The following ZNF175 variants were observed in gnomAD, a reference collection of about 807,000 sequenced individuals.
ZNF175 encodes the protein zinc finger protein OTK18.
Under a neutral mutation model 14.0 loss-of-function variants are expected in ZNF175, and 8 were observed. The observed-to-expected ratio is 0.57, with a 90% CI of 0.34 to 1.03. The LOEUF (loss-of-function observed/expected upper bound fraction) is 1.03, where lower values mean the gene tolerates loss of function less well. Among genes scored for constraint, ZNF175 ranks in the 50% least tolerant of loss-of-function variants. The pLI, the probability that ZNF175 is intolerant of heterozygous loss-of-function variation, is 0.03. For missense variants in ZNF175, 764 were observed against 849.5 expected (o/e 0.90, Z 1.25); for synonymous variants, 255 against 296.8 (o/e 0.86, Z 1.45).
At chr19:51,572,100 G>A (rs1981608772) in intron 1 of ZNF175, among the ~76,000 whole-genome samples, 1 of 152,158 alleles carries the variant, frequency 6.6e-6, no homozygotes, top group African/African-American at 2.4e-5. Context: ...ATCGATGATG[G>A]TTTCCTATTG....
At position 51,589,498 on chromosome 19, in the gene ZNF175, A is replaced by G; in HGVS notation, c.*1031A>G. On this transcript the variant is annotated 3_prime_UTR_variant, in exon 5 of 5. Coordinates refer to ENST00000262259, the MANE Select transcript of ZNF175 (RefSeq NM_007147.4). ...CATTTTTGGTAAATGCATAAATGAG[A>G]TTCTATAATGTTTACTGATCTTTAT... 1.4e-6 allele frequency: 1 copy of G among 696,146 alleles called. No individual in the cohort carries two copies. The highest frequency in any genetic ancestry group is 2.6e-6 in the Non-Finnish European group (1 of 382,918). 43.1% of individuals were successfully genotyped at this position (696,146 alleles called of 1,614,324 possible). A position where few individuals can be genotyped will look rare whatever the true frequency, so the allele number is the denominator to read the frequency against.
chr19:51,588,497 GA>G lies in ZNF175; in HGVS notation c.*33del, dbSNP rs1167747684. The stretch of plus-strand genomic sequence containing the variant: ...CTAGTGCATCAGCATATTCATAAAT[GA>G]AATATACTCCGAGTTTCTTGAAGAA... On this transcript the variant is annotated 3_prime_UTR_variant, in exon 5 of 5. Transcript: ENST00000262259. The G allele has an allele frequency of 6.6e-7, 1 of 1,506,212 alleles. No individual in the cohort carries two copies. The highest frequency in any genetic ancestry group is 8.8e-7 in the Non-Finnish European group (1 of 1,135,988). 93.3% of individuals were successfully genotyped at this position (1,506,212 alleles called of 1,614,324 possible).
In ZNF175 at chr19:51,575,573, G is replaced by A. The variant is rs57275571; in HGVS notation, c.72+2172G>A. On this transcript the variant is annotated intron_variant, in intron 2 of 4. Transcript: ENST00000262259. ...TCCTTTGAAAGTAGGTTTTAGTTTT[G>A]TTTGAACATAGGAAAGAGGATCAGA... Among the ~76,000 whole-genome samples the A allele has an allele frequency of 2.6e-3, 400 of 152,200 alleles. 16 individuals are homozygous for A. In the East Asian group the frequency reaches 0.046, roughly 17 times the overall value.
intron 2 of ZNF175, among the ~76,000 whole-genome samples, chr19:51,574,743 C>T (rs1355179038): frequency 6.6e-6 from 1 of 152,168 alleles, no homozygotes; most frequent in East Asian, 1.9e-4. Flanking sequence ...ACGTTTCTCT[C>T]ATTTGCATTG....
intron 4 of ZNF175, among the ~76,000 whole-genome samples, chr19:51,584,837 T>C (rs913164278): frequency 6.6e-6 from 1 of 151,888 alleles, no homozygotes; most frequent in South Asian, 2.1e-4. Context: ...GAATAACAAG[T>C]GTTGGCAAGG....
intron 3 of ZNF175, 90 bp downstream of exon 3, chr19:51,581,607 A>G: frequency 1.3e-6 from 2 of 1,547,998 alleles, no homozygotes; most frequent in Non-Finnish European, 1.7e-6. Context: ...ATATCAAAGT[A>G]TGTCATGACT....
intron 4 of ZNF175, among the ~76,000 whole-genome samples, chr19:51,583,379 A>G (rs1228992086): frequency 6.6e-6 from 1 of 152,188 alleles, no homozygotes; most frequent in Non-Finnish European, 1.5e-5. Flanking sequence ...CCAAATAAGG[A>G]ATTCTCACCT....
chr19:51,577,974 C>T (rs1981865110), intron 2 of ZNF175, among the ~76,000 whole-genome samples: 1 of 151,822 alleles, frequency 6.6e-6, no homozygotes, highest in African/African-American at 2.4e-5. Context: ...ACCCCTCTCT[C>T]TTTTGTCCCT....
Position 51,587,618 on chromosome 19 carries a change from C to G in ZNF175, c.1287C>G (p.Thr429=). The G allele has an allele frequency of 6.2e-7, 1 of 1,612,602 alleles. No individual in the cohort carries two copies. The highest frequency in any genetic ancestry group is 8.5e-7 in the Non-Finnish European group (1 of 1,179,618). The part of the protein sequence containing the change: ...YACSECGKAF[T]QKSTLSLHQR... ...GCAGTGAATGTGGGAAAGCCTTTACCCAGAAGTCAACACTCAGCTTGCACC... is the reference window on the plus strand; with the variant it reads ...GCAGTGAATGTGGGAAAGCCTTTACGCAGAAGTCAACACTCAGCTTGCACC... The change falls in exon 5 of 5, where the codon ACC becomes ACG. Residue 429 remains threonine (T), a synonymous_variant. Transcript: ENST00000262259.
intron 4 of ZNF175, 94 bp downstream of exon 4, chr19:51,581,976 T>C (rs1463003530): frequency 8.5e-7 from 1 of 1,182,132 alleles, no homozygotes; most frequent in African/African-American, 1.5e-5. Context: ...CCCCCAGTGA[T>C]GGCCCGTAGA....
chr19:51,586,553 T>C (rs10439118), intron 4 of ZNF175, 74 bp from the exon 5 acceptor site: 300,257 of 1,445,014 alleles, frequency 0.21, 32,210 homozygotes, highest in Middle Eastern at 0.24. Context: ...TTGTGTTCTG[T>C]GTCAATCAGC....
Position 51,587,315 on chromosome 19 carries a change from T to G in ZNF175, c.984T>G (p.Asp328Glu), listed in dbSNP as rs2122577805. The G allele has an allele frequency of 6.2e-7, 1 of 1,614,168 alleles. No individual in the cohort carries two copies. Among genetic ancestry groups the G allele is most frequent in the South Asian group, 1.1e-5 (1 of 91,086 alleles). Residue 328 changes from aspartate (D) to glutamate (E), a missense_variant, in exon 5 of 5, where the codon GAT (aspartate) becomes GAG (glutamate). Physicochemically the swap from Asp to Glu is conservative, Grantham distance 45. Transcript: ENST00000262259. Reference protein sequence around the residue: ...PQLKLSVYLTDHTGDIPCICK... With the variant: ...PQLKLSVYLTEHTGDIPCICK... ...TAAAACTCAGTGTATATCTGACAGA[T>G]CATACAGGTGATATACCCTGTATAT...
At chr19:51,573,481 C>T in intron 2 of ZNF175, 80 bp downstream of exon 2, 1 of 1,394,192 alleles carries the variant, frequency 7.2e-7, no homozygotes, top group Non-Finnish European at 1.0e-6. Context: ...GCTCCCTGCT[C>T]CTGAGTCAGT....
chr19:51,580,949 T>C (rs1467322793), intron 2 of ZNF175, among the ~76,000 whole-genome samples: 1 of 152,236 alleles, frequency 6.6e-6, no homozygotes, highest in East Asian at 1.9e-4. Flanking sequence ...CCTCTGCATA[T>C]ATTTCTACCA....
chr19:51,577,906 G>T lies in ZNF175; in HGVS notation c.73-3485G>T, dbSNP rs182979704. ...TCTCAATCTCCTGACCTCGTGATCC[G>T]CCCGCCTTGGCCTCCCAAAGTGCTG... is the stretch of plus-strand genomic sequence containing the variant. On this transcript the variant is annotated intron_variant, in intron 2 of 4. Coordinates refer to ENST00000262259, the MANE Select transcript of ZNF175 (RefSeq NM_007147.4). Among the ~76,000 whole-genome samples, 20 of 150,978 alleles carry T rather than the reference G, an allele frequency of 1.3e-4. 1 individual carries two copies. Among genetic ancestry groups the T allele is most frequent in the Non-Finnish European group, 2.5e-4 (17 of 67,662 alleles).
In ZNF175 at chr19:51,587,991, A is replaced by T. The variant is rs769994268; in HGVS notation, c.1660A>T (p.Thr554Ser). 6.2e-7 allele frequency: 1 copy of T among 1,614,120 alleles called. No individual in the cohort carries two copies. Among genetic ancestry groups the T allele is most frequent in the East Asian group, 2.2e-5 (1 of 44,900 alleles). ...ACTCAGCATGCATCAGAGAATTCAC[A>T]CCGGAGAGAAGCCTTACAAATGCAG... ...SILSMHQRIH[T>S]GEKPYKCSEC... The change falls in exon 5 of 5, where the codon ACC (threonine) becomes TCC (serine). Residue 554 changes from threonine to serine, a missense_variant. Physicochemically the swap from Thr to Ser is moderately conservative, Grantham distance 58. Coordinates refer to ENST00000262259, the MANE Select transcript of ZNF175 (RefSeq NM_007147.4).
intron 1 of ZNF175, among the ~76,000 whole-genome samples, chr19:51,572,037 C>T (rs1038232982): frequency 6.6e-6 from 1 of 152,154 alleles, no homozygotes; most frequent in African/African-American, 2.4e-5. Flanking sequence ...CAGTGTTGGC[C>T]TCTTCTTGGG....
chr19:51,584,358 AG>A (rs1568575793), intron 4 of ZNF175, among the ~76,000 whole-genome samples: 1 of 152,222 alleles, frequency 6.6e-6, no homozygotes, highest in Non-Finnish European at 1.5e-5. Flanking sequence ...AGGACATGAG[AG>A]TGTGCTTGGA....
At chr19:51,571,589 T>G (rs1441474906) in intron 1 of ZNF175, 114 bp downstream of exon 1, 1 of 152,292 alleles carries the variant, frequency 6.6e-6, no homozygotes, top group Non-Finnish European at 1.5e-5. Flanking sequence ...CTGTTAATTT[T>G]CCCTCTTTTC....
Sources: allele counts gnomAD v4.1 joint callset (sites outside exome capture counted in the v4.1 genomes callset), GRCh38; gene constraint gnomAD v4.1.1; transcripts MANE v1.5; gene names NCBI Gene and HGNC (gene_info 2026-07-23, HGNC 2026-07-21).